IQSEC3: variants seen among roughly 807,000 people sequenced by gnomAD.
IQSEC3 encodes IQ motif and Sec7 domain ArfGEF 3, also known as IQ motif and SEC7 domain-containing protein 3.
Under a neutral mutation model 105.4 loss-of-function variants are expected in IQSEC3, and 50 were observed. That is an observed-to-expected ratio of 0.47 (90% CI 0.38 to 0.60). The LOEUF is 0.60. Among genes scored for constraint, IQSEC3 ranks in the 20% least tolerant of loss-of-function variants. The pLI is 0.00. For synonymous variants in IQSEC3, 708 were observed against 746.0 expected (o/e 0.95, Z 0.83); for missense variants, 1,415 against 1,630.0 (o/e 0.87, Z 2.27).
intron 11 of IQSEC3, among the ~76,000 whole-genome samples, chr12:168,124 C>T (rs74953093): frequency 1.1e-3 from 167 of 152,274 alleles, no homozygotes; most frequent in African/African-American, 3.7e-3. Context: ...ATAAAAGGAA[C>T]TTGAGTTATG....
intron 1 of IQSEC3, among the ~76,000 whole-genome samples, chr12:83,699 G>A (rs1372077332): frequency 1.3e-5 from 2 of 150,766 alleles, no homozygotes; most frequent in East Asian, 2.0e-4. Flanking sequence ...ATGGGAAGGC[G>A]GGCGGGGGAG....
At chr12:71,345 C>G (rs541575938) in intron 1 of IQSEC3, among the ~76,000 whole-genome samples, 1 of 152,294 alleles carries the variant, frequency 6.6e-6, no homozygotes, top group South Asian at 2.1e-4. Context: ...AAACCCTGCA[C>G]TCAGTGCTGT....
intron 5 of IQSEC3, chr12:141,844 T>C (rs960584736): frequency 6.6e-6 from 1 of 152,076 alleles, no homozygotes; most frequent in African/African-American, 2.4e-5. Flanking sequence ...CCAAAGAAAA[T>C]GGTTTTAAAG....
At chr12:126,044 G>A (rs1372450177) in intron 3 of IQSEC3, 132 bp downstream of exon 3, 3 of 972,232 alleles carry the variant, frequency 3.1e-6, no homozygotes, top group Non-Finnish European at 3.0e-6. Context: ...CAGTTCTCCT[G>A]CATTGAGCGA....
At chr12:145,349 G>A (rs559206839) in intron 5 of IQSEC3, among the ~76,000 whole-genome samples, 2 of 152,236 alleles carry the variant, frequency 1.3e-5, no homozygotes, top group Admixed American at 6.5e-5. Flanking sequence ...ATCAAAGCTC[G>A]CTGCAACTTG....
chr12:125,514 TC>T, intron 2 of IQSEC3, 118 bp from the exon 3 acceptor site: 1 of 1,039,352 alleles, frequency 9.6e-7, no homozygotes, highest in Non-Finnish European at 1.3e-6. Context: ...AGACACCCCC[TC>T]CAGTCCTTGC....
chr12:123,846 T>A (rs781935745), intron 2 of IQSEC3, among the ~76,000 whole-genome samples: 12 of 152,200 alleles, frequency 7.9e-5, no homozygotes, highest in Non-Finnish European at 1.3e-4. Context: ...CCTGGGCCCC[T>A]GTTCCTCATT....
intron 1 of IQSEC3, among the ~76,000 whole-genome samples, chr12:95,921 A>G (rs1864229234): frequency 6.6e-6 from 1 of 152,198 alleles, no homozygotes; most frequent in South Asian, 2.1e-4. Flanking sequence ...CTCCACCACC[A>G]CACTAAAAAC....
chr12:151,610 C>A (rs1555092718), intron 5 of IQSEC3, among the ~76,000 whole-genome samples: 1 of 152,186 alleles, frequency 6.6e-6, no homozygotes. Flanking sequence ...ACAAACAGGA[C>A]CCTGTCGCTC....
At position 66,828 on chromosome 12, in the gene IQSEC3, C is replaced by G. The variant is rs1863104573; in HGVS notation, c.-55C>G. 1 of 1,332,090 alleles carries G rather than the reference C, an allele frequency of 7.5e-7. No individual in the cohort carries two copies. Among genetic ancestry groups the G allele is most frequent in the Non-Finnish European group, 9.5e-7 (1 of 1,047,540 alleles). 82.5% of individuals were successfully genotyped at this position (1,332,090 alleles called of 1,614,324 possible). A position where few individuals can be genotyped will look rare whatever the true frequency, so the allele number is the denominator to read the frequency against. ...CTGGGCTGCTGGGCTCCCGCGCCCT[C>G]GCGCTCCCCGCCGCCAGCCCAGGCG... is the stretch of plus-strand genomic sequence containing the variant. On this transcript the variant is annotated 5_prime_UTR_variant, in exon 1 of 14. Coordinates refer to ENST00000538872, the MANE Select transcript of IQSEC3 (RefSeq NM_001170738.2).
rs782626404 is a variant in IQSEC3 at position 163,553 on chromosome 12, T to C, written c.2643T>C (p.Asp881=). The C allele has an allele frequency of 1.2e-6, 2 of 1,611,822 alleles. No individual in the cohort carries two copies. The highest frequency in any genetic ancestry group is 2.2e-5 in the East Asian group (1 of 44,744). ...GCAGCCGGCTCTTCGAGGTGACGGATGTGAACAAGCTGCAGAAGCAGGCAG... is the reference window on the plus strand; with the variant it reads ...GCAGCCGGCTCTTCGAGGTGACGGACGTGAACAAGCTGCAGAAGCAGGCAG... The part of the protein sequence containing the change: ...VCCSRLFEVT[D]VNKLQKQAAH... Residue 881 remains aspartate (D), a synonymous_variant, in exon 9 of 14, where the codon GAT becomes GAC. Coordinates refer to ENST00000538872, the MANE Select transcript of IQSEC3 (RefSeq NM_001170738.2).
chr12:175,043 C>A lies in IQSEC3; in HGVS notation c.*10C>A. ...AAGGAGCCTGGTGTAGACTCTGCCC[C>A]ACCACCCTGCTGTCCTGGGAGGGCT... On this transcript the variant is annotated 3_prime_UTR_variant, in exon 14 of 14. Coordinates refer to ENST00000538872, the MANE Select transcript of IQSEC3 (RefSeq NM_001170738.2). 6.6e-7 allele frequency: 1 copy of A among 1,509,758 alleles called. No individual in the cohort carries two copies. The highest frequency in any genetic ancestry group is 1.4e-5 in the African/African-American group (1 of 72,892). 93.5% of individuals were successfully genotyped at this position (1,509,758 alleles called of 1,614,324 possible).
chr12:143,144 C>G (rs1460826589), intron 5 of IQSEC3: 1 of 152,724 alleles, frequency 6.5e-6, no homozygotes, highest in African/African-American at 2.4e-5. Context: ...CCCTGGGAGG[C>G]TGCGTGTATG....
intron 1 of IQSEC3, among the ~76,000 whole-genome samples, chr12:69,702 C>T (rs1863236364): frequency 6.6e-6 from 1 of 152,272 alleles, no homozygotes. Flanking sequence ...GTAATCTTGG[C>T]TGGTTGAATA....
chr12:157,168 C>A, intron 6 of IQSEC3, 21 bp downstream of exon 6: 1 of 1,528,786 alleles, frequency 6.5e-7, no homozygotes, highest in East Asian at 2.4e-5. Context: ...TTCCCAGCTC[C>A]ACTCCCCAAC....
chr12:131,112 C>T (rs1188739660), intron 3 of IQSEC3, among the ~76,000 whole-genome samples: 8 of 146,706 alleles, frequency 5.5e-5, no homozygotes, highest in East Asian at 2.4e-4. Context: ...CATCTTTCAG[C>T]GGCCTCTTCA....
In IQSEC3 at chr12:174,865, C is replaced by G. The variant is rs1939186197; in HGVS notation, c.3381C>G (p.Asp1127Glu). The stretch of plus-strand genomic sequence containing the variant: ...CCTGCTACACCTCGTCGTCCTCTGA[C>G]TCCTGCGGCTCCACACCCCTGGGCG... ...ALSCYTSSSS[D>E]SCGSTPLGGP... The change falls in exon 14 of 14, where the codon GAC becomes GAG. Residue 1127 changes from aspartate (D) to glutamate (E), a missense_variant. Physicochemically the swap from Asp to Glu is conservative, Grantham distance 45. Transcript: ENST00000538872. The G allele has an allele frequency of 1.3e-6, 2 of 1,577,824 alleles. No homozygotes were observed. The highest frequency in any genetic ancestry group is 3.5e-5 in the Admixed American group (2 of 57,660).
intron 1 of IQSEC3, among the ~76,000 whole-genome samples, chr12:93,154 A>G (rs1424446755): frequency 6.6e-6 from 1 of 152,188 alleles, no homozygotes; most frequent in African/African-American, 2.4e-5. Context: ...AGAGATAAGG[A>G]CTTAAATGAA....
At chr12:119,356 T>C (rs536642877) in intron 2 of IQSEC3, among the ~76,000 whole-genome samples, 2 of 152,336 alleles carry the variant, frequency 1.3e-5, no homozygotes, top group Non-Finnish European at 1.5e-5. Context: ...CTGGGGCCTA[T>C]GGAGTCTGTA....
Sources: allele counts gnomAD v4.1 joint callset (sites outside exome capture counted in the v4.1 genomes callset), GRCh38; gene constraint gnomAD v4.1.1; transcripts MANE v1.5; gene names NCBI Gene and HGNC (gene_info 2026-07-23, HGNC 2026-07-21).